TMEM242: variants seen among roughly 807,000 people sequenced by gnomAD.
The protein encoded by TMEM242 is transmembrane protein 242.
A neutral mutation model predicts 18.2 loss-of-function variants in TMEM242; 10 were observed. The observed-to-expected ratio is 0.55, with a 90% CI of 0.34 to 0.93. The LOEUF is 0.93. Among genes scored for constraint, TMEM242 ranks in the 40% least tolerant of loss-of-function variants. TMEM242 has a pLI of 0.02. For missense variants in TMEM242, 186 were observed against 175.5 expected (o/e 1.06, Z -0.34); for synonymous variants, 57 against 69.9 (o/e 0.81, Z 0.92).
At chr6:157,308,057 G>A (rs587640260) in intron 3 of TMEM242, among the ~76,000 whole-genome samples, 48 of 152,282 alleles carry the variant, frequency 3.2e-4, no homozygotes, top group African/African-American at 1.1e-3. Flanking sequence ...AGGAGACTCA[G>A]TTTTGTTTTT....
intron 3 of TMEM242, among the ~76,000 whole-genome samples, chr6:157,298,650 G>A (rs1441010028): frequency 1.3e-5 from 2 of 152,190 alleles, no homozygotes; most frequent in East Asian, 3.8e-4. Context: ...TTTTTACATT[G>A]TAGAGGAAGT....
chr6:157,293,656 GT>G (rs112843311), intron 3 of TMEM242, among the ~76,000 whole-genome samples: 25 of 148,960 alleles, frequency 1.7e-4, no homozygotes, highest in Admixed American at 7.4e-4. Context: ...CAAGACAGTG[GT>G]TTTTTTTTTG....
At position 157,323,508 on chromosome 6, in the gene TMEM242, C is replaced by T. The variant is rs1778531724; in HGVS notation, c.-9G>A. 5 of 1,613,056 alleles carry T rather than the reference C, an allele frequency of 3.1e-6. No homozygotes were observed. The Admixed American group carries it at 5.0e-5, about 16-fold the overall frequency. ...GCGCCCGCTGTCTCCATGTTTAGGTCGCCTCTAGTGCGTCCGTCCCCAACT... is the reference window on the plus strand; with the variant it reads ...GCGCCCGCTGTCTCCATGTTTAGGTTGCCTCTAGTGCGTCCGTCCCCAACT... On this transcript the variant is annotated 5_prime_UTR_variant, in exon 1 of 4. Transcript: ENST00000400788.
intron 3 of TMEM242, among the ~76,000 whole-genome samples, chr6:157,311,350 G>GCA (rs1562382923): frequency 3.7e-5 from 5 of 133,782 alleles, no homozygotes; most frequent in Non-Finnish European, 3.3e-5. Context: ...GTCCCAGTGT[G>GCA]CGCTCACCTA....
intron 3 of TMEM242, among the ~76,000 whole-genome samples, chr6:157,314,137 C>T (rs782396564): frequency 0.078 from 571 of 7,318 alleles, no homozygotes; most frequent in African/African-American, 0.089. Flanking sequence ...TGCGCTCACC[C>T]GGCCTCATCA....
At chr6:157,300,555 A>G (rs1777816304) in intron 3 of TMEM242, among the ~76,000 whole-genome samples, 2 of 152,170 alleles carry the variant, frequency 1.3e-5, no homozygotes, top group Non-Finnish European at 2.9e-5. Flanking sequence ...TGCTTTGCAT[A>G]CGGGTGGTTG....
In TMEM242 at chr6:157,322,801, TC is replaced by T; in HGVS notation, c.92del (p.Gly31GlufsTer13). 6.2e-7 allele frequency: 1 copy of T among 1,613,380 alleles called. No homozygotes were observed. Among genetic ancestry groups the T allele is most frequent in the Non-Finnish European group, 8.5e-7 (1 of 1,179,762 alleles). On this transcript the variant is annotated frameshift_variant, in exon 2 of 4. Transcript: ENST00000400788. LOFTEE classifies it high-confidence loss of function. ...CTGCAGCAACGGTACCAAGGAAAAT[TC>T]CACCTGCCAAGAGTTTCGGGGAGGA... is the stretch of plus-strand genomic sequence containing the variant. ...TNDRLFLVKGGIFLGTVAAAG... is the reference protein window; with the variant it reads ...TNDRLFLVKGXIFLGTVAAAG...
intron 3 of TMEM242, among the ~76,000 whole-genome samples, chr6:157,302,546 G>GA (rs1277801950): frequency 2.2e-4 from 33 of 151,710 alleles, no homozygotes; most frequent in Admixed American, 3.9e-4. Context: ...TCTTGAGGGG[G>GA]AAAAAAAACT....
intron 3 of TMEM242, among the ~76,000 whole-genome samples, chr6:157,300,629 C>T (rs1777817507): frequency 6.6e-6 from 1 of 152,186 alleles, no homozygotes; most frequent in Non-Finnish European, 1.5e-5. Flanking sequence ...CGCCGGAGGC[C>T]TATTTATAAA....
At chr6:157,293,384 A>C (rs190710526) in intron 3 of TMEM242, among the ~76,000 whole-genome samples, 6 of 151,538 alleles carry the variant, frequency 4.0e-5, no homozygotes, top group African/African-American at 1.5e-4. Flanking sequence ...ACAAACAAAC[A>C]AACCACTCTT....
chr6:157,310,605 C>T (rs903544649), intron 3 of TMEM242, among the ~76,000 whole-genome samples: 2 of 152,020 alleles, frequency 1.3e-5, no homozygotes, highest in African/African-American at 2.4e-5. Flanking sequence ...TCATAGTGCC[C>T]CAGTGTGCCC....
intron 3 of TMEM242, among the ~76,000 whole-genome samples, chr6:157,312,678 CT>C (rs1778207766): frequency 6.8e-6 from 1 of 146,896 alleles, no homozygotes; most frequent in South Asian, 2.2e-4. Flanking sequence ...GTGCACTCAC[CT>C]AGCCTCATCA....
At chr6:157,313,411 C>CG (rs1421859891) in intron 3 of TMEM242, among the ~76,000 whole-genome samples, 17 of 25,646 alleles carry the variant, frequency 6.6e-4, no homozygotes, top group South Asian at 2.8e-3. Flanking sequence ...TTACAGTGTC[C>CG]AGTGTGCGCT....
At chr6:157,306,388 G>A (rs1777919048) in intron 3 of TMEM242, among the ~76,000 whole-genome samples, 1 of 152,202 alleles carries the variant, frequency 6.6e-6, no homozygotes, top group South Asian at 2.1e-4. Flanking sequence ...AGCAAGATGT[G>A]GTGACTGATT....
rs1777662073 is a variant in TMEM242 at position 157,289,860 on chromosome 6, C to T, written c.*3041G>A. ...AAAGTGCCCTTAACGCCAGCCTGGG[C>T]CCATGCCCTGACGCGAGGGTGGTGG... On this transcript the variant is annotated 3_prime_UTR_variant, in exon 4 of 4. Coordinates refer to ENST00000400788, the MANE Select transcript of TMEM242 (RefSeq NM_018452.6). The T allele has an allele frequency of 6.6e-6, 1 of 152,282 alleles. No individual in the cohort carries two copies. Among genetic ancestry groups the T allele is most frequent in the African/African-American group, 2.4e-5 (1 of 41,468 alleles). The allele number at this position is 152,282 out of a possible 1,614,324, so 9.4% of individuals were successfully genotyped here. A position where few individuals can be genotyped will look rare whatever the true frequency, so the allele number is the denominator to read the frequency against.
At chr6:157,300,204 T>TA (rs2128413192) in intron 3 of TMEM242, 1 of 452,146 alleles carries the variant, frequency 2.2e-6, no homozygotes, top group East Asian at 4.4e-5. Flanking sequence ...AGAGAGCCAT[T>TA]AGCAGCACCT....
At chr6:157,298,844 CTT>C (rs1404244716) in intron 3 of TMEM242, among the ~76,000 whole-genome samples, 1 of 152,156 alleles carries the variant, frequency 6.6e-6, no homozygotes, top group Non-Finnish European at 1.5e-5. Context: ...ACCAAAAACA[CTT>C]TCTTTAGGAA....
intron 3 of TMEM242, among the ~76,000 whole-genome samples, chr6:157,296,875 A>G (rs1183104620): frequency 6.6e-6 from 1 of 152,240 alleles, no homozygotes; most frequent in East Asian, 1.9e-4. Context: ...CATCTGAGGT[A>G]GTAGTGCTCA....
In TMEM242 at chr6:157,290,239, C is replaced by G. The variant is rs1554246767; in HGVS notation, c.*2662G>C. On this transcript the variant is annotated 3_prime_UTR_variant, in exon 4 of 4. Coordinates refer to ENST00000400788, the MANE Select transcript of TMEM242 (RefSeq NM_018452.6). ...TGGAAGCAACAGCCTTACCGAAAGC[C>G]TCCTTAATGTTGGCTTAGACAGGAA... 6.6e-6 allele frequency: 1 copy of G among 152,178 alleles called. No homozygotes were observed. Among genetic ancestry groups the G allele is most frequent in the East Asian group, 1.9e-4 (1 of 5,206 alleles). The allele number at this position is 152,178 out of a possible 1,614,324, so 9.4% of individuals were successfully genotyped here. A position where few individuals can be genotyped will look rare whatever the true frequency, so the allele number is the denominator to read the frequency against.
Sources: gnomAD v4.1 joint callset for allele counts (sites outside exome capture counted in the v4.1 genomes callset) on GRCh38, gnomAD v4.1.1 for gene constraint, MANE v1.5 for transcripts, NCBI Gene and HGNC (gene_info 2026-07-23, HGNC 2026-07-21) for gene names.